Variants in TRAPPC10 observed in about 807,000 individuals in gnomAD.
TRAPPC10 encodes the protein trafficking protein particle complex subunit 10.
TRAPPC10 carries 23 observed loss-of-function variants against 125.5 expected under a neutral mutation model. The observed-to-expected ratio is 0.18, with a 90% CI of 0.13 to 0.26. The LOEUF (loss-of-function observed/expected upper bound fraction) is 0.26, where lower values mean the gene tolerates loss of function less well. Ranked by LOEUF, TRAPPC10 falls within the 10% of genes least tolerant of loss-of-function variation. The pLI is 1.00. For synonymous variants in TRAPPC10, 509 were observed against 518.0 expected (o/e 0.98, Z 0.24); for missense variants, 1,123 against 1,308.4 (o/e 0.86, Z 2.19).
At chr21:44,017,870 G>A (rs2032048623) in intron 1 of TRAPPC10, among the ~76,000 whole-genome samples, 1 of 152,034 alleles carries the variant, frequency 6.6e-6, no homozygotes, top group South Asian at 2.1e-4. Context: ...TACCTTGTGT[G>A]GGGTTCCTAC....
chr21:44,067,158 G>C (rs1432552864), intron 7 of TRAPPC10, among the ~76,000 whole-genome samples: 1 of 152,202 alleles, frequency 6.6e-6, no homozygotes, highest in Admixed American at 6.5e-5. Context: ...CCTAGCCTGT[G>C]GCACGGAGGA....
At position 44,025,824 on chromosome 21, in the gene TRAPPC10, GTGTGTGTGTGT is replaced by G. The variant is rs2032995414; in HGVS notation, c.68-6266_68-6256del. ...GGAGAGAGCAGCAGAGGGCAGGGGTGTGTGTGTGTGTGTGTGTGTGTGTGTGTGTGTGTGTG... is the reference window on the plus strand; with the variant it reads ...GGAGAGAGCAGCAGAGGGCAGGGGTGGTGTGTGTGTGTGTGTGTGTGTGTG... On this transcript the variant is annotated intron_variant, in intron 1 of 22. Transcript: ENST00000291574. Among the ~76,000 whole-genome samples the G allele has an allele frequency of 0.012, 18 of 1,532 alleles. No individual in the cohort carries two copies. The South Asian group carries it at 0.13, about 11-fold the overall frequency. The allele number at this position is 1,532 out of a possible 152,430, so 1.0% of individuals were successfully genotyped here. A position where few individuals can be genotyped will look rare whatever the true frequency, so the allele number is the denominator to read the frequency against.
intron 20 of TRAPPC10, among the ~76,000 whole-genome samples, chr21:44,095,263 G>A (rs1403059774): frequency 1.4e-5 from 2 of 145,906 alleles, no homozygotes; most frequent in African/African-American, 2.6e-5. Context: ...ATTTATTTTC[G>A]AGACGGAGTT....
At chr21:44,057,837 G>A (rs1268525240) in intron 5 of TRAPPC10, among the ~76,000 whole-genome samples, 2 of 152,192 alleles carry the variant, frequency 1.3e-5, no homozygotes, top group Non-Finnish European at 2.9e-5. Context: ...GCCCTTAGGG[G>A]TCTGGGAATA....
At chr21:44,064,171 G>C (rs1464958379) in intron 7 of TRAPPC10, among the ~76,000 whole-genome samples, 1 of 152,210 alleles carries the variant, frequency 6.6e-6, no homozygotes, top group Admixed American at 6.5e-5. Flanking sequence ...ATGTCATGTA[G>C]ACATTTATTT....
At chr21:44,081,002 G>A (rs867873937) in intron 13 of TRAPPC10, among the ~76,000 whole-genome samples, 1 of 83,726 alleles carries the variant, frequency 1.2e-5, no homozygotes, top group Non-Finnish European at 2.5e-5. Context: ...CAATATTATT[G>A]TTCTTTTTTT....
chr21:44,084,688 G>C (rs1199365189), intron 15 of TRAPPC10, among the ~76,000 whole-genome samples: 1 of 152,160 alleles, frequency 6.6e-6, no homozygotes, highest in Non-Finnish European at 1.5e-5. Context: ...GCTGGCGTCA[G>C]ACACCACAGG....
chr21:44,054,646 G>C (rs939080189), intron 4 of TRAPPC10, among the ~76,000 whole-genome samples: 1 of 152,188 alleles, frequency 6.6e-6, no homozygotes. Context: ...GGAACTTTGT[G>C]TAATTTCGTG....
At position 44,055,782 on chromosome 21, in the gene TRAPPC10, G is replaced by A; in HGVS notation, c.567G>A (p.Leu189=). The A allele has an allele frequency of 6.2e-7, 1 of 1,613,954 alleles. No individual in the cohort carries two copies. Among genetic ancestry groups the A allele is most frequent in the Non-Finnish European group, 8.5e-7 (1 of 1,179,860 alleles). ...CCTTCCTGACCAAACTCAGGACATT[G>A]CTTCTTATGTCTTTTACCAAAAACC... ...WNAFLTKLRT[L]LLMSFTKNLG... is the part of the protein sequence containing the mutation. Residue 189 remains leucine (L), a synonymous_variant, in exon 5 of 23, where the codon TTG becomes TTA. Coordinates refer to ENST00000291574, the MANE Select transcript of TRAPPC10 (RefSeq NM_003274.5).
intron 1 of TRAPPC10, among the ~76,000 whole-genome samples, chr21:44,012,818 G>A (rs1382757128): frequency 6.6e-6 from 1 of 151,940 alleles, no homozygotes; most frequent in African/African-American, 2.4e-5. Flanking sequence ...GAACCCGGCG[G>A]ACTCTGCCCG....
chr21:44,047,532 ATGTGTGTGTGTGTGTGTGTGTGTG>A, intron 3 of TRAPPC10, among the ~76,000 whole-genome samples: 1 of 142,924 alleles, frequency 7.0e-6, no homozygotes, highest in East Asian at 2.2e-4. Flanking sequence ...CTGGGGGAGT[ATGTGTGTGTGTGTGTGTGTGTGTG>A]TGTGTGTGTG....
At position 44,079,567 on chromosome 21, in the gene TRAPPC10, GA is replaced by G. The variant is rs1472995425; in HGVS notation, c.1478del (p.Lys493ArgfsTer14). 3.1e-6 allele frequency: 5 copies of G among 1,592,674 alleles called. No individual in the cohort carries two copies. The highest frequency in any genetic ancestry group is 1.9e-5 in the Admixed American group (1 of 51,918). On this transcript the variant is annotated frameshift_variant, in exon 12 of 23. Transcript: ENST00000291574. LOFTEE classifies it high-confidence loss of function. ...TACTGTTTGTTGACTTTGCAAGGAG[GA>G]AAAAGGCTCCACAAAAGGCAGAAAT... Reference protein sequence around the residue: ...GKDLAEFYMRKKAPQKAEIYL... With the variant: ...GKDLAEFYMRXKAPQKAEIYL...
At chr21:44,061,379 C>G (rs957767073) in intron 6 of TRAPPC10, among the ~76,000 whole-genome samples, 3 of 151,926 alleles carry the variant, frequency 2.0e-5, no homozygotes, top group African/African-American at 7.3e-5. Flanking sequence ...CGTGATCTGC[C>G]CACCTCAGCC....
rs1373802777 is a variant in TRAPPC10, at chr21:44,063,779, C to G, written c.1032C>G (p.Leu344=). 1 of 1,611,126 alleles carries G rather than the reference C, an allele frequency of 6.2e-7. No homozygotes were observed. The highest frequency in any genetic ancestry group is 1.3e-5 in the African/African-American group (1 of 74,800). ...LLHNCVQELK[L]LEVSVPPGAL... ...ACAACTGCGTGCAGGAACTGAAGCT[C>G]TTAGAAGTGAGTCGGCTGTTTTCCC... Residue 344 remains leucine, a synonymous_variant, in exon 7 of 23, where the codon CTC becomes CTG. Coordinates refer to ENST00000291574, the MANE Select transcript of TRAPPC10 (RefSeq NM_003274.5). The surrounding 1 kb of genome is among the most constrained non-coding windows in gnomAD (Gnocchi z 4.4).
chr21:44,050,364 G>C (rs902587248), intron 3 of TRAPPC10, among the ~76,000 whole-genome samples: 1 of 151,666 alleles, frequency 6.6e-6, no homozygotes, highest in Admixed American at 6.6e-5. Context: ...GCCCCTGCCC[G>C]GTGTGGACAA....
intron 3 of TRAPPC10, among the ~76,000 whole-genome samples, chr21:44,049,293 T>A (rs1370710817): frequency 1.3e-5 from 2 of 152,188 alleles, no homozygotes; most frequent in Non-Finnish European, 2.9e-5. Flanking sequence ...CCTGGTTTCC[T>A]CCCTTCTATG....
chr21:44,022,081 C>A (rs1317906993), intron 1 of TRAPPC10, among the ~76,000 whole-genome samples: 1 of 144,052 alleles, frequency 6.9e-6, no homozygotes, highest in Non-Finnish European at 1.5e-5. Context: ...TTTTTAATTA[C>A]ACCTAAAACG....
chr21:44,047,459 A>G (rs2034915141), intron 3 of TRAPPC10, among the ~76,000 whole-genome samples: 1 of 151,986 alleles, frequency 6.6e-6, no homozygotes, highest in Admixed American at 6.6e-5. Flanking sequence ...GCCACTGCAC[A>G]TGGCCTGATG....
chr21:44,061,329 C>T (rs1336041244), intron 6 of TRAPPC10, among the ~76,000 whole-genome samples: 3 of 151,948 alleles, frequency 2.0e-5, no homozygotes, highest in Admixed American at 6.6e-5. Context: ...TTAGTAGAGA[C>T]GGGGTTTCAC....
Sources: gnomAD v4.1 joint callset for allele counts (sites outside exome capture counted in the v4.1 genomes callset) on GRCh38, gnomAD v4.1.1 for gene constraint, Gnocchi (gnomAD v3.1) non-coding constraint, MANE v1.5 for transcripts, NCBI Gene and HGNC (gene_info 2026-07-23, HGNC 2026-07-21) for gene names.